Variants in USP33 observed in about 807,000 individuals in gnomAD.
The protein encoded by USP33 is ubiquitin carboxyl-terminal hydrolase 33.
A neutral mutation model predicts 124.2 loss-of-function variants in USP33; 46 were observed. The ratio of observed to expected loss-of-function variants is 0.37; its 90% CI spans 0.29 to 0.47. The LOEUF is 0.47. Ranked by LOEUF, USP33 falls within the 20% of genes least tolerant of loss-of-function variation. USP33 has a pLI of 0.99. For synonymous variants in USP33, 350 were observed against 352.3 expected (o/e 0.99, Z 0.07); for missense variants, 851 against 1,070.6 (o/e 0.79, Z 2.86).
chr1:77,697,801 A>G, intron 23 of USP33, 62 bp downstream of exon 23: 1 of 1,440,134 alleles, frequency 6.9e-7, no homozygotes, highest in Non-Finnish European at 9.6e-7. Context: ...GACTAATGAT[A>G]ACATATTTCT....
At chr1:77,697,649 A>G (rs1424032611) in intron 23 of USP33, 175 bp from the exon 24 acceptor site, 1 of 913,728 alleles carries the variant, frequency 1.1e-6, no homozygotes, top group East Asian at 2.7e-5. Flanking sequence ...CTTGTCTTAA[A>G]AAGTCAGAGA....
chr1:77,732,789 CTT>C (rs939934675), intron 7 of USP33, among the ~76,000 whole-genome samples: 52 of 104,886 alleles, frequency 5.0e-4, no homozygotes, highest in African/African-American at 1.7e-3. Context: ...AATGTCTCTT[CTT>C]TTTTTTTTTT....
At chr1:77,733,236 AT>A (rs1678048205) in intron 7 of USP33, among the ~76,000 whole-genome samples, 1 of 152,152 alleles carries the variant, frequency 6.6e-6, no homozygotes, top group African/African-American at 2.4e-5. Context: ...TCTACAAAAA[AT>A]TTAAAAATTA....
intron 21 of USP33, among the ~76,000 whole-genome samples, chr1:77,703,663 C>G (rs1426221666): frequency 2.0e-5 from 3 of 152,076 alleles, no homozygotes; most frequent in African/African-American, 7.2e-5. Flanking sequence ...CTGACTCCTC[C>G]CCCTCACCAG....
rs58750531 is a variant in USP33 at position 77,702,141 on chromosome 1, C to CAAAAAAAA, written c.2407-678_2407-671dup. 2.2e-3 allele frequency among the ~76,000 whole-genome samples: 35 copies of CAAAAAAAA among 15,780 alleles called. 7 individuals carry two copies. Among genetic ancestry groups the CAAAAAAAA allele is most frequent in the Admixed American group, 5.9e-3 (4 of 682 alleles). 10.4% of individuals were successfully genotyped at this position (15,780 alleles called of 152,430 possible). A position where few individuals can be genotyped will look rare whatever the true frequency, so the allele number is the denominator to read the frequency against. On this transcript the variant is annotated intron_variant, in intron 21 of 23. Transcript: ENST00000370794. ...TGGGTGACAGAACAAGACCCTGTCT[C>CAAAAAAAA]AAAAAAAAAAAAAAAAAAAAAAAAA...
intron 21 of USP33, among the ~76,000 whole-genome samples, chr1:77,710,129 G>A (rs1675086780): frequency 6.6e-6 from 1 of 152,118 alleles, no homozygotes; most frequent in Admixed American, 6.5e-5. Context: ...CTGTACCCTT[G>A]TAGCCACCAA....
chr1:77,722,275 A>G, intron 12 of USP33, 79 bp from the exon 13 acceptor site: 1 of 1,346,476 alleles, frequency 7.4e-7, no homozygotes, highest in Non-Finnish European at 1.0e-6. Context: ...TAGACTCTAA[A>G]GATCAAAGCA....
chr1:77,748,560 TCAGGAGACTGAGG>T (rs1176957439), intron 1 of USP33, among the ~76,000 whole-genome samples: 1 of 151,780 alleles, frequency 6.6e-6, no homozygotes, highest in African/African-American at 2.4e-5. Flanking sequence ...TCCCAGCTAC[TCAGGAGACTGAGG>T]CAGGAGAATC....
chr1:77,741,579 T>C (rs1679119692), intron 2 of USP33, 38 bp downstream of exon 2: 5 of 1,561,592 alleles, frequency 3.2e-6, no homozygotes, highest in Middle Eastern at 3.4e-4. Flanking sequence ...AAGAGAAAAG[T>C]GAATAGTTTT....
chr1:77,754,108 A>T lies in USP33; in HGVS notation c.-52+5535T>A, dbSNP rs1469523810. Among the ~76,000 whole-genome samples, 4 of 152,174 alleles carry T rather than the reference A, an allele frequency of 2.6e-5. No individual in the cohort carries two copies. In the East Asian group the frequency reaches 7.7e-4, roughly 29 times the overall value. ...ACAGATGAACTTTCATGGAAGGAGCATGTTCCCCATAATTGTTACACAGAG... is the reference window on the plus strand; with the variant it reads ...ACAGATGAACTTTCATGGAAGGAGCTTGTTCCCCATAATTGTTACACAGAG... On this transcript the variant is annotated intron_variant, in intron 1 of 23. Transcript: ENST00000370794.
intron 1 of USP33, 59 bp from the exon 2 acceptor site, chr1:77,741,807 T>C: frequency 7.0e-7 from 1 of 1,430,760 alleles, no homozygotes; most frequent in Non-Finnish European, 9.3e-7. Context: ...CCTGCAAAGA[T>C]TCCAAAAAAT....
At chr1:77,698,410 G>GT (rs1348297179) in intron 22 of USP33, among the ~76,000 whole-genome samples, 1 of 150,130 alleles carries the variant, frequency 6.7e-6, no homozygotes, top group African/African-American at 2.5e-5. Context: ...GAGCTTCTTC[G>GT]TTTTTAGTTC....
chr1:77,698,035 G>T, intron 22 of USP33, 104 bp from the exon 23 acceptor site: 6 of 799,410 alleles, frequency 7.5e-6, no homozygotes, highest in South Asian at 3.7e-5. Flanking sequence ...TTATCAGACT[G>T]GTTATTTCTC....
Position 77,736,950 on chromosome 1 carries a change from AAAT to A in USP33, c.352-795_352-793del, listed in dbSNP as rs578082112. On this transcript the variant is annotated intron_variant, in intron 5 of 23. Coordinates refer to ENST00000370794, the MANE Select transcript of USP33 (RefSeq NM_201624.3). ...ATTAAATAGTTCAAGCACTTACTTT[AAAT>A]AATAATATTCTAATATTAATTTCCA... 7.9e-5 allele frequency among the ~76,000 whole-genome samples: 12 copies of A among 152,256 alleles called. No individual in the cohort carries two copies. In the East Asian group the frequency reaches 1.2e-3, roughly 15 times the overall value.
chr1:77,732,072 C>T (rs180824670), intron 7 of USP33, among the ~76,000 whole-genome samples: 2 of 151,408 alleles, frequency 1.3e-5, no homozygotes, highest in East Asian at 3.9e-4. Flanking sequence ...CCACTACACT[C>T]CAGCCTGGGT....
chr1:77,749,430 G>A (rs996949134), intron 1 of USP33, among the ~76,000 whole-genome samples: 3 of 151,422 alleles, frequency 2.0e-5, no homozygotes, highest in Admixed American at 6.6e-5. Context: ...TGCCCAGGCT[G>A]GAGTGCAGTG....
At chr1:77,743,181 G>A (rs983148198) in intron 1 of USP33, among the ~76,000 whole-genome samples, 2 of 151,984 alleles carry the variant, frequency 1.3e-5, no homozygotes, top group South Asian at 2.1e-4. Flanking sequence ...CCGACCTCAG[G>A]TGATCCACCC....
chr1:77,758,826 T>C (rs1681049139), intron 1 of USP33, among the ~76,000 whole-genome samples: 1 of 152,204 alleles, frequency 6.6e-6, no homozygotes, highest in East Asian at 1.9e-4. Context: ...TAGAGATCGT[T>C]ACGGTAAAAT....
Position 77,756,485 on chromosome 1 carries a change from T to A in USP33, c.-52+3158A>T, listed in dbSNP as rs565878310. 9.9e-5 allele frequency among the ~76,000 whole-genome samples: 15 copies of A among 152,250 alleles called. No individual in the cohort carries two copies. In the East Asian group the frequency reaches 2.9e-3, roughly 29 times the overall value. ...CTGACAACTTCCCATCTCAACTACT[T>A]CTCTCCTCAGCTCTCCAGCACCTCA... is the stretch of plus-strand genomic sequence containing the variant. On this transcript the variant is annotated intron_variant, in intron 1 of 23. Coordinates refer to ENST00000370794, the MANE Select transcript of USP33 (RefSeq NM_201624.3).
Sources: gnomAD v4.1 joint callset for allele counts (sites outside exome capture counted in the v4.1 genomes callset) on GRCh38, gnomAD v4.1.1 for gene constraint, MANE v1.5 for transcripts, NCBI Gene and HGNC (gene_info 2026-07-23, HGNC 2026-07-21) for gene names.